Variants in ZFHX3 observed in about 807,000 individuals in gnomAD.
ZFHX3 encodes zinc finger homeobox 3, also known as zinc finger homeobox protein 3.
In ZFHX3, 42 loss-of-function variants were observed where a neutral mutation model predicts 279.1. That is an observed-to-expected ratio of 0.15 (90% CI 0.12 to 0.19). ZFHX3 has a LOEUF of 0.19. ZFHX3 is among the 10% of genes least tolerant of loss of function. ZFHX3 has a pLI of 1.00. For synonymous variants in ZFHX3, 2,293 were observed against 1,957.8 expected (o/e 1.17, Z -4.52); for missense variants, 4,981 against 4,754.0 (o/e 1.05, Z -1.40).
chr16:73,714,701 T>C (rs1450169245), intron 1 of ZFHX3, among the ~76,000 whole-genome samples: 2 of 152,216 alleles, frequency 1.3e-5, no homozygotes, highest in African/African-American at 4.8e-5. Context: ...TGTGGTTTCC[T>C]TGGGTCATGA....
chr16:73,778,923 C>A (rs570290891), intron 1 of ZFHX3, among the ~76,000 whole-genome samples: 2 of 152,180 alleles, frequency 1.3e-5, no homozygotes, highest in Non-Finnish European at 2.9e-5. Flanking sequence ...GAATATTAAT[C>A]GTTAAGTTTC....
At chr16:72,943,935 C>G (rs1486627319) in intron 3 of ZFHX3, among the ~76,000 whole-genome samples, 4 of 152,128 alleles carry the variant, frequency 2.6e-5, no homozygotes, top group Admixed American at 2.6e-4. Context: ...TCTACATGTA[C>G]TGACCTAAAA....
chr16:73,805,107 C>G (rs1960244213), intron 1 of ZFHX3, among the ~76,000 whole-genome samples: 1 of 152,170 alleles, frequency 6.6e-6, no homozygotes, highest in African/African-American at 2.4e-5. Context: ...ATAGCTCTGT[C>G]ATTCCACCTG....
At chr16:72,839,913 T>A (rs1288749299) in intron 4 of ZFHX3, among the ~76,000 whole-genome samples, 3 of 152,060 alleles carry the variant, frequency 2.0e-5, no homozygotes, top group Non-Finnish European at 4.4e-5. Context: ...GGCTGAGCAG[T>A]CCCTACAAGC....
chr16:73,831,279 AG>A lies in ZFHX3; in HGVS notation c.-1608+60371del, dbSNP rs1232511959. 2.0e-5 allele frequency among the ~76,000 whole-genome samples: 3 copies of A among 152,296 alleles called. No homozygotes were observed. The East Asian group carries it at 5.8e-4, about 29-fold the overall frequency. On this transcript the variant is annotated intron_variant, in intron 1 of 17. Transcript: ENST00000641206. ...TGAAAGCAAAGTCCTCCTATTTCAGAGTCTGGTACTAACGTCCGGAAGCAGC... is the reference window on the plus strand; with the variant it reads ...TGAAAGCAAAGTCCTCCTATTTCAGATCTGGTACTAACGTCCGGAAGCAGC...
chr16:73,321,923 C>T (rs1450341276), intron 3 of ZFHX3, among the ~76,000 whole-genome samples: 1 of 152,198 alleles, frequency 6.6e-6, no homozygotes, highest in African/African-American at 2.4e-5. Context: ...GACAGCTGCA[C>T]TCATGTTCCC....
intron 1 of ZFHX3, among the ~76,000 whole-genome samples, chr16:72,975,071 T>C (rs1962292025): frequency 6.6e-6 from 1 of 152,084 alleles, no homozygotes; most frequent in Non-Finnish European, 1.5e-5. Context: ...CGCAAGGGCT[T>C]TGAGACAGAC....
At chr16:73,286,011 T>A (rs13330319) in intron 4 of ZFHX3, among the ~76,000 whole-genome samples, 5,787 of 152,300 alleles carry the variant, frequency 0.038, 371 homozygotes, top group African/African-American at 0.13. Flanking sequence ...GAATTCATAA[T>A]ATGCGCAGAA....
In ZFHX3 at chr16:73,251,936, CAT is replaced by C. The variant is rs1464665366; in HGVS notation, c.-1104+5109_-1104+5110del. ...ACCACACACACACCATGAACACACA[CAT>C]ACACACCACACACACGCACACACCA... is the stretch of plus-strand genomic sequence containing the variant. On this transcript the variant is annotated intron_variant, in intron 5 of 17. Transcript: ENST00000641206. Among the ~76,000 whole-genome samples the C allele has an allele frequency of 1.8e-3, 271 of 147,372 alleles. 9 individuals carry two copies. Among genetic ancestry groups the C allele is most frequent in the African/African-American group, 6.4e-3 (255 of 39,692 alleles).
At chr16:73,522,231 A>T (rs545383860) in intron 2 of ZFHX3, among the ~76,000 whole-genome samples, 43 of 152,378 alleles carry the variant, frequency 2.8e-4, no homozygotes, top group African/African-American at 1.0e-3. Context: ...ATTTAAAAGC[A>T]TCTTTAAAGT....
At chr16:73,149,007 TTA>T in intron 5 of ZFHX3, among the ~76,000 whole-genome samples, 1 of 139,982 alleles carries the variant, frequency 7.1e-6, no homozygotes, top group South Asian at 2.2e-4. Flanking sequence ...TTAAATGAGA[TTA>T]TATATATATT....
chr16:73,554,016 G>A (rs1213128920), intron 2 of ZFHX3, among the ~76,000 whole-genome samples: 1 of 152,174 alleles, frequency 6.6e-6, no homozygotes, highest in Non-Finnish European at 1.5e-5. Context: ...TGCACCAGGA[G>A]TCACAGTACA....
chr16:73,569,199 C>T (rs2020495285), intron 2 of ZFHX3, among the ~76,000 whole-genome samples: 1 of 152,148 alleles, frequency 6.6e-6, no homozygotes, highest in Admixed American at 6.5e-5. Flanking sequence ...TATAGAATTC[C>T]TTTCAGACAG....
intron 2 of ZFHX3, among the ~76,000 whole-genome samples, chr16:73,567,839 T>C (rs111753685): frequency 1.6e-4 from 24 of 152,010 alleles, no homozygotes; most frequent in South Asian, 4.1e-4. Flanking sequence ...AACAAACTCT[T>C]TGTTTCAGTG....
At chr16:73,490,505 T>C (rs1244980330) in intron 2 of ZFHX3, among the ~76,000 whole-genome samples, 2 of 152,222 alleles carry the variant, frequency 1.3e-5, no homozygotes, top group African/African-American at 4.8e-5. Flanking sequence ...ACTCCACCTT[T>C]CACTGACGCA....
intron 1 of ZFHX3, among the ~76,000 whole-genome samples, chr16:73,026,957 AAC>A (rs1244249804): frequency 2.4e-4 from 36 of 152,224 alleles, no homozygotes; most frequent in African/African-American, 8.4e-4. Flanking sequence ...AGAGCCATGT[AAC>A]TATTTCAGGC....
At chr16:73,707,491 CA>C (rs1347022102) in intron 1 of ZFHX3, among the ~76,000 whole-genome samples, 1 of 145,392 alleles carries the variant, frequency 6.9e-6, no homozygotes, top group African/African-American at 2.6e-5. Flanking sequence ...ATCTCAAGGA[CA>C]AAAAACCAAG....
intron 7 of ZFHX3, among the ~76,000 whole-genome samples, chr16:73,118,840 G>A (rs1004694788): frequency 6.6e-6 from 1 of 152,096 alleles, no homozygotes; most frequent in Non-Finnish European, 1.5e-5. Flanking sequence ...TTTTTTGGTT[G>A]CTACCCAGCA....
chr16:73,683,739 AG>A (rs2053050705), intron 1 of ZFHX3, among the ~76,000 whole-genome samples: 1 of 152,184 alleles, frequency 6.6e-6, no homozygotes, highest in South Asian at 2.1e-4. Context: ...AGACAGCAGC[AG>A]CCATTAAGCC....
Sources: gnomAD v4.1 joint callset for allele counts (sites outside exome capture counted in the v4.1 genomes callset) on GRCh38, gnomAD v4.1.1 for gene constraint, MANE v1.5 for transcripts, NCBI Gene and HGNC (gene_info 2026-07-23, HGNC 2026-07-21) for gene names.